Variants in KLHL25 observed in about 807,000 individuals in gnomAD.
KLHL25 encodes the protein kelch like family member 25.
In KLHL25, 41 loss-of-function variants were observed where a neutral mutation model predicts 30.0. The observed-to-expected ratio is 1.37, with a 90% CI of 1.07 to 1.78. The LOEUF (loss-of-function observed/expected upper bound fraction) is 1.78. Ranked by LOEUF, KLHL25 falls within the 40% of genes most tolerant of loss-of-function variation. The probability of loss-of-function intolerance (pLI) is 0.00; values close to 1 mark genes in which losing one functional copy is unlikely to be tolerated. For missense variants in KLHL25, 971 were observed against 824.5 expected (o/e 1.18, Z -2.18); for synonymous variants, 399 against 355.3 (o/e 1.12, Z -1.38).
intron 2 of KLHL25, chr15:85,763,252 G>T (rs34916247): frequency 6.6e-6 from 1 of 152,408 alleles, no homozygotes; most frequent in African/African-American, 2.4e-5. Flanking sequence ...AGGTCGCTCA[G>T]GTTCCAGCTC....
chr15:85,778,608 G>A (rs1204546932), intron 1 of KLHL25, among the ~76,000 whole-genome samples: 1 of 152,186 alleles, frequency 6.6e-6, no homozygotes, highest in Non-Finnish European at 1.5e-5. Context: ...CCAGGGCTCT[G>A]TCTTGCTGAG....
intron 1 of KLHL25, among the ~76,000 whole-genome samples, chr15:85,790,084 T>C (rs1306009098): frequency 2.0e-5 from 3 of 152,172 alleles, no homozygotes; most frequent in Non-Finnish European, 4.4e-5. Context: ...ACCCCATTCC[T>C]GACTTCTTTT....
Position 85,775,037 on chromosome 15 carries a change from C to T in KLHL25, c.-10-5217G>A, listed in dbSNP as rs572761808. On this transcript the variant is annotated intron_variant, in intron 1 of 2. Coordinates refer to ENST00000337975, the MANE Select transcript of KLHL25 (RefSeq NM_022480.4). Reference sequence around the variant, plus strand: ...GATTACAGGCGCCCGCCACCACACCCGGCTAATTTTTGTATTTTTACTAGA... The same window carrying T: ...GATTACAGGCGCCCGCCACCACACCTGGCTAATTTTTGTATTTTTACTAGA... Among the ~76,000 whole-genome samples the T allele has an allele frequency of 8.5e-5, 13 of 152,150 alleles. 1 individual carries two copies. Among genetic ancestry groups the T allele is most frequent in the South Asian group, 4.2e-4 (2 of 4,810 alleles).
At chr15:85,787,432 G>A (rs1421078940) in intron 1 of KLHL25, among the ~76,000 whole-genome samples, 1 of 152,142 alleles carries the variant, frequency 6.6e-6, no homozygotes, top group Non-Finnish European at 1.5e-5. Context: ...GGTGACAAGA[G>A]CGAAACTCAG....
chr15:85,768,299 T>C lies in KLHL25; in HGVS notation c.1512A>G (p.Thr504=). The part of the protein sequence containing the change: ...IFIMGGDTEF[T]AASAYRFDCE... Reference sequence around the variant, plus strand: ...AGTCAAAGCGGTAGGCCGAGGCGGCTGTGAATTCCGTGTCACCTCCCATGA... The same window carrying C: ...AGTCAAAGCGGTAGGCCGAGGCGGCCGTGAATTCCGTGTCACCTCCCATGA... The change falls in exon 2 of 3, where the codon ACA becomes ACG. Residue 504 remains threonine (T), a synonymous_variant. Coordinates refer to ENST00000337975, the MANE Select transcript of KLHL25 (RefSeq NM_022480.4). 6.2e-7 allele frequency: 1 copy of C among 1,614,022 alleles called. No individual in the cohort carries two copies. Among genetic ancestry groups the C allele is most frequent in the Non-Finnish European group, 8.5e-7 (1 of 1,180,030 alleles).
intron 1 of KLHL25, among the ~76,000 whole-genome samples, chr15:85,786,792 C>A (rs537317032): frequency 1.3e-5 from 2 of 152,378 alleles, no homozygotes; most frequent in African/African-American, 4.8e-5. Flanking sequence ...TGAATTCACT[C>A]AAATGTTCCA....
chr15:85,777,717 G>A (rs891411319), intron 1 of KLHL25, among the ~76,000 whole-genome samples: 6 of 152,208 alleles, frequency 3.9e-5, no homozygotes, highest in Non-Finnish European at 8.8e-5. Context: ...CCACTCCAGA[G>A]GAACGGGTCA....
chr15:85,768,810 C>G lies in KLHL25; in HGVS notation c.1001G>C (p.Ser334Thr). ...ADLPSPRKEFSASAIGCKVYV... is the reference protein window; with the variant it reads ...ADLPSPRKEFTASAIGCKVYV... Reference sequence around the variant, plus strand: ...GACCTTGCAGCCGATCGCTGAGGCGCTGAACTCCTTCCGGGGGCTGGGCAG... The same window carrying G: ...GACCTTGCAGCCGATCGCTGAGGCGGTGAACTCCTTCCGGGGGCTGGGCAG... The change falls in exon 2 of 3, where the codon AGC becomes ACC. Residue 334 changes from serine (S) to threonine (T), a missense_variant. Physicochemically the swap from Ser to Thr is moderately conservative, Grantham distance 58. Transcript: ENST00000337975. 1 of 1,613,370 alleles carries G rather than the reference C, an allele frequency of 6.2e-7. No individual in the cohort carries two copies. Among genetic ancestry groups the G allele is most frequent in the Non-Finnish European group, 8.5e-7 (1 of 1,180,050 alleles).
chr15:85,777,152 G>C (rs1284280196), intron 1 of KLHL25, among the ~76,000 whole-genome samples: 1 of 152,208 alleles, frequency 6.6e-6, no homozygotes, highest in Non-Finnish European at 1.5e-5. Context: ...GCAAGGATCA[G>C]GGAAGGGCTG....
intron 1 of KLHL25, among the ~76,000 whole-genome samples, chr15:85,775,066 G>A (rs1046971560): frequency 2.0e-5 from 3 of 152,088 alleles, no homozygotes; most frequent in Admixed American, 6.5e-5. Context: ...TACTAGAGAC[G>A]AGGTTTCACC....
rs199662884 is a variant in KLHL25 at position 85,769,303 on chromosome 15, G to A, written c.508C>T (p.Arg170Cys). ...QCRRLYEFSWRMCLVHFETVR... is the reference protein window; with the variant it reads ...QCRRLYEFSWCMCLVHFETVR... ...GTCTCAAAGTGCACCAGGCACATGCGCCAGGAGAACTCATACAGCCGGCGG... is the reference window on the plus strand; with the variant it reads ...GTCTCAAAGTGCACCAGGCACATGCACCAGGAGAACTCATACAGCCGGCGG... The change falls in exon 2 of 3, where the codon CGC becomes TGC. Residue 170 changes from arginine to cysteine, a missense_variant. Physicochemically the swap from Arg to Cys is radical, Grantham distance 180. Transcript: ENST00000337975. 1.5e-5 allele frequency: 25 copies of A among 1,613,892 alleles called. No homozygotes were observed. Among genetic ancestry groups the A allele is most frequent in the South Asian group, 1.1e-4 (10 of 91,080 alleles).
chr15:85,788,684 A>G (rs1162526218), intron 1 of KLHL25, among the ~76,000 whole-genome samples: 2 of 152,212 alleles, frequency 1.3e-5, no homozygotes, highest in African/African-American at 4.8e-5. Flanking sequence ...TGAGCTCCCA[A>G]GCAGGAGCTC....
intron 2 of KLHL25, 72 bp downstream of exon 2, chr15:85,767,945 G>A (rs1161912627): frequency 2.0e-6 from 2 of 984,184 alleles, no homozygotes; most frequent in Non-Finnish European, 3.0e-6. Context: ...TTCACCCAGT[G>A]GGAAGAGGTG....
intron 1 of KLHL25, among the ~76,000 whole-genome samples, chr15:85,788,903 A>G (rs898670253): frequency 9.9e-5 from 15 of 152,184 alleles, no homozygotes; most frequent in African/African-American, 3.6e-4. Context: ...ACTCCGGACA[A>G]TGGATGGAAT....
intron 2 of KLHL25, chr15:85,761,765 G>A (rs2089584815): frequency 6.6e-6 from 1 of 152,242 alleles, no homozygotes; most frequent in Non-Finnish European, 1.5e-5. Context: ...TAGCAACCCT[G>A]AGTGTTCATG....
At chr15:85,773,580 G>T (rs576385710) in intron 1 of KLHL25, among the ~76,000 whole-genome samples, 4 of 152,298 alleles carry the variant, frequency 2.6e-5, no homozygotes, top group South Asian at 4.1e-4. Context: ...GGGATCAGGT[G>T]GGGAGTGGAC....
rs35838334 is a variant in KLHL25, at chr15:85,766,994, A to ATT, written c.*24+1021_*24+1022dup. ...TGGATGTCATGCCTGGTTGGCGATC[A>ATT]TTTTTTTTTTTTTTTTGAGACGGAG... On this transcript the variant is annotated intron_variant, in intron 2 of 2. Coordinates refer to ENST00000337975, the MANE Select transcript of KLHL25 (RefSeq NM_022480.4). 1.6e-3 allele frequency among the ~76,000 whole-genome samples: 223 copies of ATT among 140,826 alleles called. 5 individuals carry two copies. Among genetic ancestry groups the ATT allele is most frequent in the Middle Eastern group, 3.8e-3 (1 of 260 alleles). 92.4% of individuals were successfully genotyped at this position (140,826 alleles called of 152,430 possible). A position where few individuals can be genotyped will look rare whatever the true frequency, so the allele number is the denominator to read the frequency against.
chr15:85,784,570 C>T (rs532290394), intron 1 of KLHL25, among the ~76,000 whole-genome samples: 2 of 152,070 alleles, frequency 1.3e-5, no homozygotes, highest in African/African-American at 4.8e-5. Flanking sequence ...AGAGTTTTCT[C>T]CAGCTGGTCC....
chr15:85,773,304 A>G (rs2089689094), intron 1 of KLHL25, among the ~76,000 whole-genome samples: 1 of 152,178 alleles, frequency 6.6e-6, no homozygotes, highest in Non-Finnish European at 1.5e-5. Flanking sequence ...AAACTCATTC[A>G]TATCAACTCC....
Sources: allele counts gnomAD v4.1 joint callset (sites outside exome capture counted in the v4.1 genomes callset), GRCh38; gene constraint gnomAD v4.1.1; transcripts MANE v1.5; gene names NCBI Gene and HGNC (gene_info 2026-07-23, HGNC 2026-07-21).